The following OCA2 variants were observed in gnomAD, a reference collection of about 807,000 sequenced individuals.
OCA2 encodes P protein.
Under a neutral mutation model 100.2 loss-of-function variants are expected in OCA2, and 77 were observed. The observed-to-expected ratio is 0.77, with a 90% CI of 0.64 to 0.93. OCA2 has a LOEUF of 0.93. Ranked by LOEUF, OCA2 falls within the 40% of genes least tolerant of loss-of-function variation. The pLI, the probability that OCA2 is intolerant of heterozygous loss-of-function variation, is 0.00. For synonymous variants in OCA2, 432 were observed against 439.2 expected (o/e 0.98, Z 0.21); for missense variants, 1,062 against 1,089.1 (o/e 0.98, Z 0.35).
intron 23 of OCA2, among the ~76,000 whole-genome samples, chr15:27,806,162 C>T (rs2033837767): frequency 6.6e-6 from 1 of 152,226 alleles, no homozygotes; most frequent in African/African-American, 2.4e-5. Context: ...CTCCGCCCTC[C>T]GCGGGTGGGG....
chr15:27,756,950 G>C (rs1328556355), intron 23 of OCA2, among the ~76,000 whole-genome samples: 1 of 152,168 alleles, frequency 6.6e-6, no homozygotes, highest in Non-Finnish European at 1.5e-5. Context: ...GCATCACCTA[G>C]CATCACCAAA....
chr15:28,079,352 G>A (rs545493494), intron 2 of OCA2, among the ~76,000 whole-genome samples: 15 of 150,792 alleles, frequency 9.9e-5, no homozygotes, highest in African/African-American at 3.7e-4. Flanking sequence ...AGGGCAAAAT[G>A]TAATAAAACT....
chr15:27,984,037 A>C (rs1274506526), intron 13 of OCA2, among the ~76,000 whole-genome samples: 1 of 151,572 alleles, frequency 6.6e-6, no homozygotes, highest in Non-Finnish European at 1.5e-5. Context: ...ATGATAATGT[A>C]ATAATTCACA....
intron 19 of OCA2, among the ~76,000 whole-genome samples, chr15:27,912,375 C>A (rs1434047997): frequency 6.6e-6 from 1 of 152,012 alleles, no homozygotes; most frequent in East Asian, 1.9e-4. Context: ...AGGCAAAATG[C>A]AAAATGATTC....
intron 19 of OCA2, among the ~76,000 whole-genome samples, chr15:27,899,475 G>T (rs868742400): frequency 2.0e-5 from 3 of 152,200 alleles, no homozygotes; most frequent in Non-Finnish European, 4.4e-5. Flanking sequence ...GAAATCCTAT[G>T]ATTAGGTTAG....
chr15:28,039,736 A>T (rs2043146712), intron 2 of OCA2, among the ~76,000 whole-genome samples: 1 of 152,198 alleles, frequency 6.6e-6, no homozygotes, highest in Non-Finnish European at 1.5e-5. Context: ...TGGTGTCCTT[A>T]TAAGAAGAGG....
chr15:28,033,253 G>T (rs2141391220), intron 2 of OCA2, among the ~76,000 whole-genome samples: 1 of 152,322 alleles, frequency 6.6e-6, no homozygotes, highest in Middle Eastern at 3.4e-3. Flanking sequence ...CTGAGAATAT[G>T]TCATTTTATA....
chr15:27,898,841 AG>A (rs2037812390), intron 19 of OCA2, among the ~76,000 whole-genome samples: 1 of 152,190 alleles, frequency 6.6e-6, no homozygotes, highest in African/African-American at 2.4e-5. Flanking sequence ...AAATTATCCT[AG>A]CAAATCTTAA....
intron 22 of OCA2, among the ~76,000 whole-genome samples, chr15:27,849,387 T>C (rs957220876): frequency 1.3e-5 from 2 of 152,252 alleles, no homozygotes; most frequent in African/African-American, 4.8e-5. Context: ...TGCCTTAGGA[T>C]TGCACCTGCC....
chr15:27,784,893 CAG>C (rs55682306), intron 23 of OCA2, among the ~76,000 whole-genome samples: 151 of 148,030 alleles, frequency 1.0e-3, no homozygotes, highest in Middle Eastern at 3.6e-3. Flanking sequence ...AAGAGAGAGA[CAG>C]AGAGAGAGAG....
At chr15:27,719,345 C>T in the OCA2 span, among the ~76,000 whole-genome samples, 4 of 152,102 alleles carry the variant, frequency 2.6e-5, no homozygotes, top group African/African-American at 4.8e-5. Context: ...GGACACCAGT[C>T]GTATTTAATT....
intron 19 of OCA2, among the ~76,000 whole-genome samples, chr15:27,907,716 C>A (rs2038231247): frequency 6.6e-6 from 1 of 152,116 alleles, no homozygotes; most frequent in Non-Finnish European, 1.5e-5. Flanking sequence ...TCATAAATGA[C>A]TAATTTGGAA....
chr15:28,042,278 T>C (rs1263404401), intron 2 of OCA2, among the ~76,000 whole-genome samples: 1 of 152,150 alleles, frequency 6.6e-6, no homozygotes, highest in African/African-American at 2.4e-5. Context: ...TGAAAACTAA[T>C]CATTTCTACT....
chr15:27,885,755 G>A (rs866713977), intron 19 of OCA2, among the ~76,000 whole-genome samples: 38 of 119,486 alleles, frequency 3.2e-4, no homozygotes, highest in Middle Eastern at 3.9e-3. Flanking sequence ...TCCTTTATTT[G>A]TTTGATGTGC....
At chr15:27,734,151 CAAAA>C in the OCA2 span, among the ~76,000 whole-genome samples, 6 of 127,346 alleles carry the variant, frequency 4.7e-5, no homozygotes, top group African/African-American at 8.5e-5. Flanking sequence ...GGCTCTGTCT[CAAAA>C]AAAAAAAAAA....
At position 27,972,872 on chromosome 15, in the gene OCA2, TATTTTA is replaced by T. The variant is rs1567177428; in HGVS notation, c.1504-6056_1504-6051del. Among the ~76,000 whole-genome samples the T allele has an allele frequency of 3.6e-4, 20 of 55,402 alleles. 1 individual carries two copies. Among genetic ancestry groups the T allele is most frequent in the African/African-American group, 6.1e-4 (17 of 27,774 alleles). 36.3% of individuals were successfully genotyped at this position (55,402 alleles called of 152,430 possible). ...TATTTTATTTTATTTTATTTTATTTTATTTTATTTTTGTGACAGAGTCTCTCTTTCT... is the reference window on the plus strand; with the variant it reads ...TATTTTATTTTATTTTATTTTATTTTTTTTTGTGACAGAGTCTCTCTTTCT... On this transcript the variant is annotated intron_variant, in intron 14 of 23. Coordinates refer to ENST00000354638, the MANE Select transcript of OCA2 (RefSeq NM_000275.3).
chr15:27,786,312 G>T (rs927893803), intron 23 of OCA2, among the ~76,000 whole-genome samples: 1 of 152,108 alleles, frequency 6.6e-6, no homozygotes, highest in African/African-American at 2.4e-5. Flanking sequence ...AATTTCTGAG[G>T]GGGAAAAAGC....
At chr15:27,913,843 G>T (rs1475934113) in intron 19 of OCA2, among the ~76,000 whole-genome samples, 1 of 25,160 alleles carries the variant, frequency 4.0e-5, no homozygotes, top group Admixed American at 5.5e-4. Flanking sequence ...AGAAAGGAAA[G>T]AAAGAAAGAA....
intron 3 of OCA2, among the ~76,000 whole-genome samples, chr15:28,031,432 A>T (rs2141375064): frequency 6.6e-6 from 1 of 152,362 alleles, no homozygotes; most frequent in Middle Eastern, 3.4e-3. Context: ...AAAGAAAAGA[A>T]GATTGAGGCT....
Sources: allele counts gnomAD v4.1 joint callset (sites outside exome capture counted in the v4.1 genomes callset), GRCh38; gene constraint gnomAD v4.1.1; transcripts MANE v1.5; gene names NCBI Gene and HGNC (gene_info 2026-07-23, HGNC 2026-07-21).